The following ZFHX3 variants were observed in gnomAD, a reference collection of about 807,000 sequenced individuals.
ZFHX3 encodes zinc finger homeobox protein 3.
A neutral mutation model predicts 279.1 loss-of-function variants in ZFHX3; 42 were observed. The ratio of observed to expected loss-of-function variants is 0.15; its 90% CI spans 0.12 to 0.19. The LOEUF is 0.19. Among genes scored for constraint, ZFHX3 ranks in the 10% least tolerant of loss-of-function variants. The probability of loss-of-function intolerance (pLI) is 1.00; values close to 1 mark genes in which losing one functional copy is unlikely to be tolerated. For synonymous variants in ZFHX3, 2,293 were observed against 1,957.8 expected (o/e 1.17, Z -4.52); for missense variants, 4,981 against 4,754.0 (o/e 1.05, Z -1.40).
At chr16:73,878,870 G>A (rs922637848) in intron 1 of ZFHX3, among the ~76,000 whole-genome samples, 1 of 151,300 alleles carries the variant, frequency 6.6e-6, no homozygotes, top group African/African-American at 2.4e-5. Context: ...AGCAGAGCTA[G>A]TTTAAAAGGC....
intron 1 of ZFHX3, among the ~76,000 whole-genome samples, chr16:73,003,805 G>C (rs1284936201): frequency 6.6e-6 from 1 of 152,060 alleles, no homozygotes; most frequent in Non-Finnish European, 1.5e-5. Flanking sequence ...AGGCAGAACA[G>C]AGTGAGGGGG....
At chr16:73,332,477 T>C (rs2015824483) in intron 3 of ZFHX3, among the ~76,000 whole-genome samples, 2 of 152,312 alleles carry the variant, frequency 1.3e-5, no homozygotes, top group African/African-American at 4.8e-5. Context: ...GGGTTATACA[T>C]CTTCCCAGCA....
intron 2 of ZFHX3, among the ~76,000 whole-genome samples, chr16:73,548,850 C>T (rs370709058): frequency 1.1e-4 from 17 of 152,238 alleles, no homozygotes; most frequent in East Asian, 9.6e-4. Flanking sequence ...TAGTAAATTA[C>T]GATTCTCTAT....
chr16:73,153,237 C>A (rs1201760745), intron 5 of ZFHX3, among the ~76,000 whole-genome samples: 1 of 152,178 alleles, frequency 6.6e-6, no homozygotes, highest in African/African-American at 2.4e-5. Context: ...ATGTAAGAAT[C>A]ATCTTCGATA....
intron 2 of ZFHX3, among the ~76,000 whole-genome samples, chr16:73,666,957 C>A (rs929739011): frequency 1.3e-5 from 2 of 151,922 alleles, no homozygotes; most frequent in African/African-American, 4.9e-5. Flanking sequence ...CTTGTTATTG[C>A]TGAGTAATAT....
chr16:73,030,639 A>G (rs1171948317), intron 1 of ZFHX3, among the ~76,000 whole-genome samples: 1 of 150,646 alleles, frequency 6.6e-6, no homozygotes, highest in Non-Finnish European at 1.5e-5. Flanking sequence ...GGAAAAGAGA[A>G]AAAAAAAAAG....
At chr16:73,066,438 C>T (rs974444809) in intron 8 of ZFHX3, among the ~76,000 whole-genome samples, 24 of 152,126 alleles carry the variant, frequency 1.6e-4, no homozygotes, top group African/African-American at 5.8e-4. Flanking sequence ...CTTTTTTTTC[C>T]TGCGGGCTCT....
At chr16:72,907,545 T>TTGTGTGTG (rs547618913) in intron 3 of ZFHX3, among the ~76,000 whole-genome samples, 2,886 of 120,328 alleles carry the variant, frequency 0.024, 78 homozygotes, top group Admixed American at 0.047. Flanking sequence ...TTTCCTCTAT[T>TTGTGTGTG]TGTGTGTGTG....
intron 1 of ZFHX3, among the ~76,000 whole-genome samples, chr16:73,861,257 G>A (rs1961875302): frequency 6.6e-6 from 1 of 152,066 alleles, no homozygotes; most frequent in East Asian, 1.9e-4. Context: ...GAGCCACCAA[G>A]TCCAGCATGT....
chr16:73,649,485 A>G (rs550674494), intron 2 of ZFHX3, among the ~76,000 whole-genome samples: 3 of 152,318 alleles, frequency 2.0e-5, no homozygotes, highest in East Asian at 3.9e-4. Context: ...AGGATTTTCA[A>G]GTGATTGTCT....
intron 2 of ZFHX3, among the ~76,000 whole-genome samples, chr16:73,484,387 C>T (rs2018935334): frequency 6.6e-6 from 1 of 152,134 alleles, no homozygotes; most frequent in South Asian, 2.1e-4. Context: ...ATGCATTAAG[C>T]CCCGAACTCA....
chr16:73,194,092 A>T (rs1367526016), intron 5 of ZFHX3, among the ~76,000 whole-genome samples: 2 of 152,188 alleles, frequency 1.3e-5, no homozygotes, highest in East Asian at 3.9e-4. Context: ...ATATGCCCCT[A>T]AACTTCACAT....
chr16:73,374,452 T>C (rs2016687289), intron 3 of ZFHX3, among the ~76,000 whole-genome samples: 1 of 152,184 alleles, frequency 6.6e-6, no homozygotes, highest in African/African-American at 2.4e-5. Flanking sequence ...TTGAAACAAA[T>C]CTCAGACTTA....
At chr16:72,807,524 C>G (rs533248867) in intron 7 of ZFHX3, 1 of 152,202 alleles carries the variant, frequency 6.6e-6, no homozygotes, top group African/African-American at 2.4e-5. Flanking sequence ...ATATTAGACA[C>G]TGCAGGTTCC....
intron 3 of ZFHX3, among the ~76,000 whole-genome samples, chr16:73,357,214 C>T (rs772094658): frequency 4.6e-5 from 7 of 151,808 alleles, no homozygotes; most frequent in Admixed American, 3.3e-4. Flanking sequence ...AATAATAATA[C>T]CCCCCACCAC....
At chr16:73,837,202 C>T (rs915491408) in intron 1 of ZFHX3, among the ~76,000 whole-genome samples, 2 of 152,110 alleles carry the variant, frequency 1.3e-5, no homozygotes, top group African/African-American at 2.4e-5. Context: ...ATGTGATGGG[C>T]CATATGAATA....
intron 1 of ZFHX3, among the ~76,000 whole-genome samples, chr16:73,886,945 T>C (rs1243928601): frequency 6.6e-6 from 1 of 152,200 alleles, no homozygotes; most frequent in Non-Finnish European, 1.5e-5. Context: ...GTCCACATCC[T>C]TAAGTAATAA....
Position 73,469,627 on chromosome 16 carries a change from A to ATTTT in ZFHX3, c.-1546-13373_-1546-13370dup, listed in dbSNP as rs763176124. On this transcript the variant is annotated intron_variant, in intron 2 of 17. Transcript: ENST00000641206. ...GTCCCAACCTCCAATATATATATAT[A>ATTTT]TTTTTTTTGAGACAGAATCTCACTC... Among the ~76,000 whole-genome samples the ATTTT allele has an allele frequency of 1.8e-4, 27 of 149,980 alleles. No homozygotes were observed. The East Asian group carries it at 4.3e-3, about 24-fold the overall frequency.
intron 2 of ZFHX3, among the ~76,000 whole-genome samples, chr16:73,658,187 G>A (rs2052741639): frequency 6.6e-6 from 1 of 151,886 alleles, no homozygotes; most frequent in South Asian, 2.1e-4. Flanking sequence ...TTGTTCAACT[G>A]GAATATATGA....
Sources: allele counts gnomAD v4.1 joint callset (sites outside exome capture counted in the v4.1 genomes callset), GRCh38; gene constraint gnomAD v4.1.1; transcripts MANE v1.5; gene names NCBI Gene and HGNC (gene_info 2026-07-23, HGNC 2026-07-21).